Variants in CCDC7 observed in about 807,000 individuals in gnomAD.
CCDC7 encodes coiled-coil domain containing 7.
Under a neutral mutation model 196.9 loss-of-function variants are expected in CCDC7, and 183 were observed. The observed-to-expected ratio is 0.93, with a 90% CI of 0.82 to 1.05. CCDC7 has a LOEUF of 1.05. CCDC7 is among the 50% of genes least tolerant of loss of function. CCDC7 has a pLI of 0.00. For synonymous variants in CCDC7, 525 were observed against 484.6 expected, an observed-to-expected ratio of 1.08 and a Z score of -1.10; for missense variants, 1,540 against 1,482.2, an observed-to-expected ratio of 1.04 and a Z score of -0.64.
chr10:32,738,436 T>A (rs1201119610), intron 28 of CCDC7, among the ~76,000 whole-genome samples: 3 of 151,344 alleles, frequency 2.0e-5, no homozygotes, highest in Admixed American at 6.6e-5. Context: ...ATCTGTTAGA[T>A]CAATTAAGAG....
At chr10:32,628,309 T>G in intron 18 of CCDC7, among the ~76,000 whole-genome samples, 1 of 151,976 alleles carries the variant, frequency 6.6e-6, no homozygotes, top group Non-Finnish European at 1.5e-5. Context: ...TATTGGCATG[T>G]AATTGTTTAT....
chr10:32,531,924 C>G (rs1014311560), intron 11 of CCDC7, among the ~76,000 whole-genome samples: 1 of 151,966 alleles, frequency 6.6e-6, no homozygotes, highest in African/African-American at 2.4e-5. Context: ...TTTTATTTAT[C>G]TGGGTTTTTC....
intron 32 of CCDC7, among the ~76,000 whole-genome samples, chr10:32,830,258 T>C (rs2092021696): frequency 6.8e-6 from 1 of 147,622 alleles, no homozygotes; most frequent in Non-Finnish European, 1.5e-5. Flanking sequence ...AAATAGAAAA[T>C]AGTCCACCCA....
intron 21 of CCDC7, among the ~76,000 whole-genome samples, chr10:32,681,355 A>AC (rs1341231091): frequency 6.6e-6 from 1 of 151,982 alleles, no homozygotes; most frequent in African/African-American, 2.4e-5. Context: ...GATTTCCTCT[A>AC]CCCCACTACT....
At chr10:32,847,455 A>G (rs895019748) in intron 37 of CCDC7, among the ~76,000 whole-genome samples, 3 of 152,204 alleles carry the variant, frequency 2.0e-5, no homozygotes, top group Non-Finnish European at 2.9e-5. Flanking sequence ...CTTAGAGTTA[A>G]AGGAAATTAT....
At chr10:32,824,565 G>T (rs754222212) in exon 32 of CCDC7, 3 of 1,612,266 alleles carry the variant, frequency 1.9e-6, no homozygotes, top group Non-Finnish European at 2.5e-6. Flanking sequence ...TACAATAAAT[G>T]ATGCAATTAA....
At position 32,708,368 on chromosome 10, in the gene CCDC7, C is replaced by T. The variant is rs559437313; in HGVS notation, c.2459-3252C>T. On this transcript the variant is annotated intron_variant, in intron 24 of 41. Transcript: ENST00000639629. ...TGTTAGACCTAAAACCATAAAAACC[C>T]TAGAAGAAAACCTAGGCAATACCTT... Among the ~76,000 whole-genome samples, 8 of 152,292 alleles carry T rather than the reference C, an allele frequency of 5.3e-5. No homozygotes were observed. The East Asian group carries it at 1.5e-3, about 29-fold the overall frequency.
chr10:32,779,889 A>G (rs572902013), intron 29 of CCDC7, among the ~76,000 whole-genome samples: 3 of 152,328 alleles, frequency 2.0e-5, no homozygotes, highest in African/African-American at 7.2e-5. Context: ...AAAAGCCAGT[A>G]TGAAAAGAAT....
intron 18 of CCDC7, among the ~76,000 whole-genome samples, chr10:32,603,161 C>G (rs939058972): frequency 6.9e-6 from 1 of 145,810 alleles, no homozygotes; most frequent in Non-Finnish European, 1.5e-5. Context: ...ATGAAATTCA[C>G]TTTTTTTTTT....
At chr10:32,446,837 C>T (rs778627291), upstream of CCDC7, among the ~76,000 whole-genome samples, 1 of 151,892 alleles carries the variant, frequency 6.6e-6, no homozygotes, top group Non-Finnish European at 1.5e-5. Flanking sequence ...ATGTGAACTT[C>T]ATCGGAGCAT....
At chr10:32,626,299 C>T (rs543360572) in intron 18 of CCDC7, among the ~76,000 whole-genome samples, 1 of 152,118 alleles carries the variant, frequency 6.6e-6, no homozygotes, top group Non-Finnish European at 1.5e-5. Flanking sequence ...TTTTAATTTT[C>T]ATTTCCTTAA....
chr10:32,525,364 G>A (rs957316224), intron 11 of CCDC7, among the ~76,000 whole-genome samples: 2 of 151,898 alleles, frequency 1.3e-5, no homozygotes, highest in African/African-American at 4.8e-5. Flanking sequence ...CATGTCAATT[G>A]CATTTTTCAA....
intron 32 of CCDC7, among the ~76,000 whole-genome samples, chr10:32,833,131 A>G (rs1041864497): frequency 5.9e-5 from 9 of 152,146 alleles, no homozygotes; most frequent in African/African-American, 1.9e-4. Context: ...AATTATAACA[A>G]TGGTTTTAAT....
intron 25 of CCDC7, among the ~76,000 whole-genome samples, chr10:32,725,910 A>G (rs553388340): frequency 6.6e-6 from 1 of 152,310 alleles, no homozygotes; most frequent in Admixed American, 6.5e-5. Flanking sequence ...TGTCCAAACC[A>G]TATCAAATAT....
chr10:32,752,295 G>GA (rs2075784002), intron 28 of CCDC7, among the ~76,000 whole-genome samples: 2 of 152,088 alleles, frequency 1.3e-5, no homozygotes, highest in African/African-American at 4.8e-5. Context: ...TTACATGGGG[G>GA]ATGGATAACT....
At chr10:32,873,749 G>A (rs2094509627) in intron 41 of CCDC7, among the ~76,000 whole-genome samples, 2 of 151,784 alleles carry the variant, frequency 1.3e-5, no homozygotes, top group Non-Finnish European at 2.9e-5. Context: ...ATACCTATTA[G>A]TGGAATTGCC....
Position 32,729,473 on chromosome 10 carries a change from T to C in CCDC7, c.2905+16T>C. On this transcript the variant is annotated intron_variant, in intron 28 of 41. Coordinates refer to ENST00000639629, the Ensembl canonical transcript of CCDC7. Reference sequence around the variant, plus strand: ...TCAAGAAAAAGTAAGTAATTATTTATAAATCTTATAAATTGTTTTTATTAA... The same window carrying C: ...TCAAGAAAAAGTAAGTAATTATTTACAAATCTTATAAATTGTTTTTATTAA... 1 of 1,084,488 alleles carries C rather than the reference T, an allele frequency of 9.2e-7. No individual in the cohort carries two copies. The highest frequency in any genetic ancestry group is 1.3e-6 in the Non-Finnish European group (1 of 762,062). The allele number at this position is 1,084,488 out of a possible 1,614,324, so 67.2% of individuals were successfully genotyped here.
chr10:32,591,074 T>G (rs1248730822), intron 18 of CCDC7, among the ~76,000 whole-genome samples: 2 of 152,074 alleles, frequency 1.3e-5, no homozygotes, highest in Admixed American at 1.3e-4. Context: ...TTTTTACCCC[T>G]ATCTCCCTCT....
At chr10:32,821,927 T>A (rs890251871) in intron 31 of CCDC7, among the ~76,000 whole-genome samples, 25 of 152,114 alleles carry the variant, frequency 1.6e-4, no homozygotes, top group Middle Eastern at 3.4e-3. Context: ...AACCTGCACG[T>A]TGTGCACATG....
Sources: gnomAD v4.1 joint callset for allele counts (sites outside exome capture counted in the v4.1 genomes callset) on GRCh38, gnomAD v4.1.1 for gene constraint, MANE v1.5 for transcripts, NCBI Gene and HGNC (gene_info 2026-07-23, HGNC 2026-07-21) for gene names.